The following ECHDC2 variants were observed in gnomAD, a reference collection of about 807,000 sequenced individuals.
The protein encoded by ECHDC2 is enoyl-CoA hydratase domain-containing protein 2, mitochondrial.
In ECHDC2, 34 loss-of-function variants were observed where a neutral mutation model predicts 40.6. That is an observed-to-expected ratio of 0.84 (90% CI 0.64 to 1.11). The LOEUF (loss-of-function observed/expected upper bound fraction) is 1.11, where lower values mean the gene tolerates loss of function less well. ECHDC2 is among the 50% of genes most tolerant of loss of function. The pLI, the probability that ECHDC2 is intolerant of heterozygous loss-of-function variation, is 0.00. For missense variants in ECHDC2, 392 were observed against 400.7 expected, an observed-to-expected ratio of 0.98 and a Z score of 0.19; for synonymous variants, 162 against 166.6, an observed-to-expected ratio of 0.97 and a Z score of 0.21.
chr1:52,907,965 C>G lies in ECHDC2; in HGVS notation c.278-11G>C. 6.2e-7 allele frequency: 1 copy of G among 1,613,646 alleles called. No individual in the cohort carries two copies. On this transcript the variant is annotated splice_polypyrimidine_tract_variant and intron_variant, in intron 3 of 9. Transcript: ENST00000371522. The stretch of plus-strand genomic sequence containing the variant: ...CCTTCAGGTCTGCACCTGCAGATGG[C>G]GAGGGTTGGTACCAGCCCTTAGGAA...
chr1:52,915,900 C>T (rs141124698), intron 1 of ECHDC2, among the ~76,000 whole-genome samples: 46 of 152,266 alleles, frequency 3.0e-4, no homozygotes, highest in African/African-American at 1.1e-3. Flanking sequence ...ATGGGCCTAA[C>T]GAGAGGGTCA....
chr1:52,906,589 A>C lies in ECHDC2; in HGVS notation c.387T>G (p.Ile129Met). ...NDIAAFPAPT[I>M]AAMDGFALGG... ...CCAAGGCAAACCCATCCATAGCCGCAATGGTGGGTGCAGGGAAGGCTGCTG... is the reference window on the plus strand; with the variant it reads ...CCAAGGCAAACCCATCCATAGCCGCCATGGTGGGTGCAGGGAAGGCTGCTG... The change falls in exon 5 of 10, where the codon ATT becomes ATG. Residue 129 changes from isoleucine (I) to methionine (M), a missense_variant. By Grantham distance (10) the Ile-to-Met change is conservative (BLOSUM62 1). Coordinates refer to ENST00000371522, the MANE Select transcript of ECHDC2 (RefSeq NM_001198961.2). 1 of 1,612,074 alleles carries C rather than the reference A, an allele frequency of 6.2e-7. No individual in the cohort carries two copies. Among genetic ancestry groups the C allele is most frequent in the Admixed American group, 1.7e-5 (1 of 59,962 alleles).
intron 9 of ECHDC2, chr1:52,897,061 G>A (rs986372090): frequency 5.7e-6 from 2 of 351,292 alleles, no homozygotes; most frequent in Non-Finnish European, 1.1e-5. Flanking sequence ...AGTCCCAAGT[G>A]TACAGCCCCT....
intron 1 of ECHDC2, 110 bp from the exon 2 acceptor site, chr1:52,911,900 G>T: frequency 6.6e-7 from 1 of 1,519,366 alleles, no homozygotes; most frequent in Non-Finnish European, 8.8e-7. Flanking sequence ...CTCTGCCCTA[G>T]ATGACCAGAG....
At chr1:52,913,895 C>T (rs1397277016) in intron 1 of ECHDC2, 1 of 1,132,744 alleles carries the variant, frequency 8.8e-7, no homozygotes, top group African/African-American at 1.6e-5. Context: ...TTCCTCCTAC[C>T]TTTCAGGTGA....
intron 3 of ECHDC2, 130 bp from the exon 4 acceptor site, chr1:52,908,084 C>T (rs796539110): frequency 2.0e-5 from 15 of 738,182 alleles, no homozygotes; most frequent in African/African-American, 7.0e-5. Flanking sequence ...ACCAGGAACC[C>T]GGGCAAGGAA....
intron 7 of ECHDC2, chr1:52,901,409 A>C (rs948816563): frequency 5.3e-5 from 8 of 150,514 alleles, no homozygotes; most frequent in Non-Finnish European, 1.2e-4. Context: ...TGTCTCTAAA[A>C]AGAAAAGAAA....
intron 4 of ECHDC2, among the ~76,000 whole-genome samples, 155 bp from the exon 5 acceptor site, chr1:52,906,766 T>A (rs1040214236): frequency 3.9e-5 from 5 of 129,652 alleles, no homozygotes; most frequent in African/African-American, 1.6e-4. Flanking sequence ...TCTTAATTCT[T>A]TTTTTTTTTT....
intron 3 of ECHDC2, among the ~76,000 whole-genome samples, chr1:52,908,874 A>T (rs987203918): frequency 2.9e-5 from 4 of 137,832 alleles, no homozygotes; most frequent in African/African-American, 1.1e-4. Context: ...CAGGAGGCAG[A>T]GGTTACAGTG....
At position 52,896,080 on chromosome 1, in the gene ECHDC2, C is replaced by T; in HGVS notation, c.*440G>A. 1 of 169,612 alleles carries T rather than the reference C, an allele frequency of 5.9e-6. No homozygotes were observed. The highest frequency in any genetic ancestry group is 1.5e-4 in the East Asian group (1 of 6,698). The allele number at this position is 169,612 out of a possible 1,614,324, so 10.5% of individuals were successfully genotyped here. ...GGGATCTGCAGTCTGACCCCTGACA[C>T]ATGTTCAACCGATGTCAGAGTTTAT... On this transcript the variant is annotated 3_prime_UTR_variant, in exon 10 of 10. Coordinates refer to ENST00000371522, the MANE Select transcript of ECHDC2 (RefSeq NM_001198961.2).
intron 3 of ECHDC2, among the ~76,000 whole-genome samples, chr1:52,908,203 G>A (rs1003522970): frequency 6.6e-6 from 1 of 152,176 alleles, no homozygotes; most frequent in Non-Finnish European, 1.5e-5. Flanking sequence ...ACTATCAATA[G>A]AATACAAAGA....
chr1:52,921,507 C>T (rs192496316), intron 1 of ECHDC2, 46 bp downstream of exon 1: 3 of 1,585,640 alleles, frequency 1.9e-6, no homozygotes, highest in African/African-American at 1.4e-5. Context: ...CTGCCTCCGG[C>T]CTAGTCCCAG....
At chr1:52,901,407 A>AATT in intron 7 of ECHDC2, 1 of 150,630 alleles carries the variant, frequency 6.6e-6, no homozygotes, top group South Asian at 2.1e-4. Context: ...CCTGTCTCTA[A>AATT]AAAGAAAAGA....
At chr1:52,907,659 G>GT in intron 4 of ECHDC2, 1 of 547,274 alleles carries the variant, frequency 1.8e-6, no homozygotes, top group South Asian at 2.5e-5. Flanking sequence ...CCTGAGGGTG[G>GT]GGCGGGACAC....
intron 1 of ECHDC2, among the ~76,000 whole-genome samples, chr1:52,920,199 A>G (rs1651571597): frequency 6.6e-6 from 1 of 152,194 alleles, no homozygotes; most frequent in Non-Finnish European, 1.5e-5. Context: ...CAGCAATATT[A>G]ACTGTTCAAG....
intron 3 of ECHDC2, among the ~76,000 whole-genome samples, chr1:52,908,993 A>G (rs1281080467): frequency 2.6e-5 from 4 of 151,962 alleles, no homozygotes; most frequent in African/African-American, 9.7e-5. Flanking sequence ...CTGAGGAGAT[A>G]CACAGATGGT....
In ECHDC2 at chr1:52,911,743, C is replaced by T; in HGVS notation, c.169G>A (p.Gly57Arg). Residue 57 changes from glycine (G) to arginine (R), a missense_variant, in exon 2 of 10, where the codon GGG (glycine) becomes AGG (arginine). Transcript: ENST00000371522. ...CTTACCTCACTGACGAAGACATTCC[C>T]CAAGGCATTGCGGGCAGAAGGTCTG... is the stretch of plus-strand genomic sequence containing the variant. ...MNRPSARNAL[G>R]NVFVSELLET... 1.2e-6 allele frequency: 2 copies of T among 1,614,134 alleles called. No individual in the cohort carries two copies. Among genetic ancestry groups the T allele is most frequent in the South Asian group, 1.1e-5 (1 of 91,088 alleles).
intron 1 of ECHDC2, chr1:52,915,008 C>T (rs915273740): frequency 3.8e-5 from 11 of 287,354 alleles, no homozygotes; most frequent in South Asian, 6.9e-5. Flanking sequence ...TAAAGTTCAA[C>T]TCCTTAATAC....
intron 4 of ECHDC2, chr1:52,907,513 G>A: frequency 4.3e-6 from 1 of 235,056 alleles, no homozygotes; most frequent in South Asian, 9.0e-5. Flanking sequence ...GGAGGAGGAG[G>A]TACTGGAGGG....
Sources: gnomAD v4.1 joint callset for allele counts (sites outside exome capture counted in the v4.1 genomes callset) on GRCh38, gnomAD v4.1.1 for gene constraint, MANE v1.5 for transcripts, NCBI Gene and HGNC (gene_info 2026-07-23, HGNC 2026-07-21) for gene names.